SHISAL1: variants seen among roughly 807,000 people sequenced by gnomAD.
SHISAL1 encodes shisa like 1.
SHISAL1 carries 9 observed loss-of-function variants against 22.6 expected under a neutral mutation model. The ratio of observed to expected loss-of-function variants is 0.40; its 90% confidence interval spans 0.24 to 0.70. The LOEUF (loss-of-function observed/expected upper bound fraction) is 0.70, where lower values mean the gene tolerates loss of function less well. Ranked by LOEUF, SHISAL1 falls within the 30% of genes least tolerant of loss-of-function variation. The pLI is 0.39. For missense variants in SHISAL1, 246 were observed against 270.6 expected, an observed-to-expected ratio of 0.91 and a Z score of 0.64; for synonymous variants, 119 against 115.4, an observed-to-expected ratio of 1.03 and a Z score of -0.20.
chr22:44,310,157 C>T lies in SHISAL1; in HGVS notation c.-33+2594G>A, dbSNP rs965593123. Among the ~76,000 whole-genome samples, 1 of 152,236 alleles carries T rather than the reference C, an allele frequency of 6.6e-6. No individual in the cohort carries two copies. Among genetic ancestry groups the T allele is most frequent in the African/African-American group, 2.4e-5 (1 of 41,454 alleles). On this transcript the variant is annotated intron_variant, in intron 1 of 4. Coordinates refer to ENST00000381176, the MANE Select transcript of SHISAL1 (RefSeq NM_001099294.2). This position sits in a 1 kb window ranked among gnomAD's most constrained non-coding sequence, Gnocchi z 4.0. ...TGAGCCCTGCTGACCTGATGCCTAG[C>T]CCTGCAGCGGTCACATCCCCGAACC...
chr22:44,281,946 T>C (rs1191575918), intron 4 of SHISAL1, among the ~76,000 whole-genome samples: 4 of 152,222 alleles, frequency 2.6e-5, no homozygotes, highest in African/African-American at 9.6e-5. Flanking sequence ...GGCCACGCGA[T>C]TCGGCAGCAC....
chr22:44,294,663 A>G (rs1167119426), intron 3 of SHISAL1, among the ~76,000 whole-genome samples: 1 of 152,190 alleles, frequency 6.6e-6, no homozygotes, highest in Non-Finnish European at 1.5e-5. Context: ...GGGTGATAAA[A>G]TTATCATTGT....
chr22:44,296,219 C>T (rs1029117374), intron 3 of SHISAL1, among the ~76,000 whole-genome samples: 7 of 140,998 alleles, frequency 5.0e-5, no homozygotes, highest in South Asian at 2.5e-4. Flanking sequence ...AGTGCAATGG[C>T]GCCATCTCTG....
chr22:44,307,458 C>T (rs1256165531), intron 1 of SHISAL1, among the ~76,000 whole-genome samples: 1 of 152,182 alleles, frequency 6.6e-6, no homozygotes. Flanking sequence ...TCTGAGGCCT[C>T]CTGAGGACCC....
rs376878869 is a variant in SHISAL1, at chr22:44,285,546, G to C, written c.481C>G (p.Arg161Gly). Residue 161 changes from arginine to glycine, a missense_variant, in exon 4 of 5, where the codon CGG becomes GGG. This residue lies in a region of SHISAL1 where 136 missense variants were observed against 117.5 expected (regional missense o/e 1.16). Coordinates refer to ENST00000381176, the MANE Select transcript of SHISAL1 (RefSeq NM_001099294.2). ...NPARAPRPGQ[R>G]APQPQPPPGP... ...GGGGGAGGCTGCGGCTGTGGGGCCCGCTGACCCGGCCGAGGGGCCCGAGCG... is the reference window on the plus strand; with the variant it reads ...GGGGGAGGCTGCGGCTGTGGGGCCCCCTGACCCGGCCGAGGGGCCCGAGCG... 6.5e-7 allele frequency: 1 copy of C among 1,538,376 alleles called. No individual in the cohort carries two copies.
chr22:44,305,804 G>A (rs1018375253), intron 1 of SHISAL1, among the ~76,000 whole-genome samples: 1 of 152,190 alleles, frequency 6.6e-6, no homozygotes, highest in African/African-American at 2.4e-5. Flanking sequence ...GTCACCGTGC[G>A]ATCAAAGCCG....
At chr22:44,261,262 C>A (rs1029990364) in intron 4 of SHISAL1, among the ~76,000 whole-genome samples, 25 of 151,722 alleles carry the variant, frequency 1.6e-4, no homozygotes, top group African/African-American at 6.1e-4. Flanking sequence ...TTGTGGTCTC[C>A]ACTCCAAAGT....
intron 1 of SHISAL1, among the ~76,000 whole-genome samples, chr22:44,309,429 C>T (rs1476877611): frequency 2.0e-5 from 3 of 152,138 alleles, no homozygotes; most frequent in South Asian, 4.1e-4. Flanking sequence ...GAAGTACAGA[C>T]GAGGAGACGG....
intron 2 of SHISAL1, among the ~76,000 whole-genome samples, chr22:44,297,224 C>T (rs1000609500): frequency 6.6e-6 from 1 of 152,228 alleles, no homozygotes; most frequent in Non-Finnish European, 1.5e-5. Flanking sequence ...ATTTAACTCA[C>T]ACAGCCAAGC....
At chr22:44,325,958 G>C in the SHISAL1 span, among the ~76,000 whole-genome samples, 3 of 151,936 alleles carry the variant, frequency 2.0e-5, no homozygotes, top group South Asian at 6.3e-4. Context: ...CCTCTCAGGG[G>C]CTTTTCTTTA....
the SHISAL1 span, among the ~76,000 whole-genome samples, chr22:44,325,348 G>A: frequency 2.0e-5 from 3 of 152,100 alleles, no homozygotes; most frequent in Admixed American, 2.0e-4. Context: ...CAAATGGGCA[G>A]AGAGAGGCTC....
the SHISAL1 span, among the ~76,000 whole-genome samples, chr22:44,321,312 G>A: frequency 2.0e-5 from 3 of 152,274 alleles, no homozygotes; most frequent in Admixed American, 2.0e-4. Context: ...ACAGCCATAC[G>A]GAGCTCCCAG....
At chr22:44,281,685 A>C (rs779539255) in intron 4 of SHISAL1, among the ~76,000 whole-genome samples, 3 of 152,148 alleles carry the variant, frequency 2.0e-5, no homozygotes, top group African/African-American at 4.8e-5. Context: ...GGTTGTCCTG[A>C]CTACTTTCAG....
the SHISAL1 span, among the ~76,000 whole-genome samples, chr22:44,323,680 CATCCATCCATCT>C: frequency 9.9e-5 from 15 of 151,056 alleles, no homozygotes; most frequent in African/African-American, 3.6e-4. Context: ...TCCATCCATC[CATCCATCCATCT>C]ATCATCCCTT....
At chr22:44,250,710 G>T (rs2055041382) in intron 4 of SHISAL1, among the ~76,000 whole-genome samples, 4 of 152,218 alleles carry the variant, frequency 2.6e-5, no homozygotes, top group African/African-American at 9.6e-5. Flanking sequence ...GAGAATGAAA[G>T]ACGCTCACTA....
chr22:44,262,965 A>C (rs1241011388), intron 4 of SHISAL1, among the ~76,000 whole-genome samples: 5 of 152,234 alleles, frequency 3.3e-5, no homozygotes, highest in African/African-American at 1.2e-4. Context: ...TTCCAGGTGA[A>C]CTGGAGACAA....
At chr22:44,273,295 G>T (rs1203568261) in intron 4 of SHISAL1, among the ~76,000 whole-genome samples, 1 of 152,116 alleles carries the variant, frequency 6.6e-6, no homozygotes, top group Admixed American at 6.5e-5. Flanking sequence ...TTTCCCGAGC[G>T]TAAATACTGG....
intron 4 of SHISAL1, among the ~76,000 whole-genome samples, chr22:44,263,084 T>TTC (rs2147274413): frequency 7.0e-6 from 1 of 142,214 alleles, no homozygotes; most frequent in African/African-American, 2.5e-5. Context: ...TCTTTCTTTT[T>TTC]TTTTTTTTTT....
chr22:44,278,134 A>G (rs918331804), intron 4 of SHISAL1, among the ~76,000 whole-genome samples: 45 of 152,232 alleles, frequency 3.0e-4, no homozygotes, highest in African/African-American at 7.5e-4. Context: ...GGTGGGCACC[A>G]TCTAATCAGC....
Sources: gnomAD v4.1 joint callset for allele counts (sites outside exome capture counted in the v4.1 genomes callset) on GRCh38, gnomAD v4.1.1 for gene constraint, gnomAD v4.1.1 regional missense constraint, Gnocchi (gnomAD v3.1) non-coding constraint, MANE v1.5 for transcripts, NCBI Gene and HGNC (gene_info 2026-07-23, HGNC 2026-07-21) for gene names.